Variants in CPA1 observed in about 807,000 individuals in gnomAD.
The protein encoded by CPA1 is carboxypeptidase A1.
Under a neutral mutation model 48.7 loss-of-function variants are expected in CPA1, and 42 were observed. That is an observed-to-expected ratio of 0.86 (90% CI 0.67 to 1.11). CPA1 has a LOEUF of 1.11. CPA1 is among the 50% of genes most tolerant of loss of function. The pLI is 0.00. For missense variants in CPA1, 477 were observed against 544.7 expected (o/e 0.88, Z 1.24); for synonymous variants, 203 against 217.9 (o/e 0.93, Z 0.60).
At chr7:130,382,677 C>T (rs186642528) in intron 4 of CPA1, among the ~76,000 whole-genome samples, 1 of 132,720 alleles carries the variant, frequency 7.5e-6, no homozygotes, top group East Asian at 2.3e-4. Context: ...TACTCTGTCA[C>T]CCAGGCTGGA....
In CPA1 at chr7:130,382,206, G is replaced by T. The variant is rs1554411327; in HGVS notation, c.480G>T (p.Leu160=). ...ATGAAGGGCGTCCCATTTACGTGCT[G>T]AAGGTAACATCCACATGTGGACATA... ...NTYEGRPIYV[L]KFSTGGSKRP... The change falls in exon 4 of 10, where the codon CTG becomes CTT. Residue 160 remains leucine, a synonymous_variant. Coordinates refer to ENST00000011292, the MANE Select transcript of CPA1 (RefSeq NM_001868.4). The T allele has an allele frequency of 1.2e-6, 2 of 1,613,128 alleles. No individual in the cohort carries two copies. Among genetic ancestry groups the T allele is most frequent in the Admixed American group, 1.7e-5 (1 of 60,016 alleles).
Position 130,382,112 on chromosome 7 carries a change from A to G in CPA1, c.386A>G (p.Tyr129Cys). 4 of 1,613,924 alleles carry G rather than the reference A, an allele frequency of 2.5e-6. No homozygotes were observed. The highest frequency in any genetic ancestry group is 3.4e-6 in the Non-Finnish European group (4 of 1,179,832). Reference protein sequence around the residue: ...YATYHTLEEIYDFLDLLVAEN... With the variant: ...YATYHTLEEICDFLDLLVAEN... Reference sequence around the variant, plus strand: ...GTCTCTTCTTTCACACCTCAGATCTATGACTTCCTGGACCTGCTGGTGGCG... The same window carrying G: ...GTCTCTTCTTTCACACCTCAGATCTGTGACTTCCTGGACCTGCTGGTGGCG... The change falls in exon 4 of 10, where the codon TAT (tyrosine) becomes TGT (cysteine). Residue 129 changes from tyrosine to cysteine, a missense_variant. Transcript: ENST00000011292.
In CPA1 at chr7:130,381,842, C is replaced by T. The variant is rs1554411246; in HGVS notation, c.360C>T (p.Ala120=). The change falls in exon 3 of 10, where the codon GCC becomes GCT. Residue 120 remains alanine, a synonymous_variant. Transcript: ENST00000011292. ...RARSTDTFNY[A]TYHTLEEIYD... is the part of the protein sequence containing the mutation. Reference sequence around the variant, plus strand: ...GCTCCACCGACACTTTTAACTACGCCACCTACCACACCCTGGAGGAGGTGA... The same window carrying T: ...GCTCCACCGACACTTTTAACTACGCTACCTACCACACCCTGGAGGAGGTGA... The T allele has an allele frequency of 1.9e-6, 3 of 1,613,920 alleles. No individual in the cohort carries two copies. The highest frequency in any genetic ancestry group is 2.5e-6 in the Non-Finnish European group (3 of 1,179,994).
intron 9 of CPA1, among the ~76,000 whole-genome samples, chr7:130,386,512 A>G (rs565719625): frequency 1.3e-5 from 2 of 152,110 alleles, no homozygotes; most frequent in East Asian, 3.9e-4. Flanking sequence ...AGCCTGGGCG[A>G]CACAGCGAGA....
In CPA1 at chr7:130,381,624, C is replaced by G. The variant is rs1554411187; in HGVS notation, c.148-6C>G. 6.2e-7 allele frequency: 1 copy of G among 1,611,574 alleles called. No homozygotes were observed. Among genetic ancestry groups the G allele is most frequent in the Non-Finnish European group, 8.5e-7 (1 of 1,178,296 alleles). On this transcript the variant is annotated splice_polypyrimidine_tract_variant and splice_region_variant and intron_variant, in intron 2 of 9. Coordinates refer to ENST00000011292, the MANE Select transcript of CPA1 (RefSeq NM_001868.4). ...CTGTGACCGTGCCGGCTCTTGTCCT[C>G]CCCAGCTGGACTTCTGGCGGGGGCC...
In CPA1 at chr7:130,384,587, G is replaced by C. The variant is rs1260177048; in HGVS notation, c.748G>C (p.Gly250Arg). 2.5e-6 allele frequency: 4 copies of C among 1,614,202 alleles called. No homozygotes were observed. Among genetic ancestry groups the C allele is most frequent in the Non-Finnish European group, 3.4e-6 (4 of 1,180,038 alleles). Residue 250 changes from glycine to arginine, a missense_variant, in exon 7 of 10, where the codon GGC becomes CGC. Gly to Arg is a moderately radical substitution (Grantham distance 125). Transcript: ENST00000011292. Reference sequence around the variant, plus strand: ...CCACACAGCAGGCTCCCTCTGTATTGGCGTGGACCCCAACAGGAACTGGGA... The same window carrying C: ...CCACACAGCAGGCTCCCTCTGTATTCGCGTGGACCCCAACAGGAACTGGGA... ...RSHTAGSLCIGVDPNRNWDAG... is the reference protein window; with the variant it reads ...RSHTAGSLCIRVDPNRNWDAG...
In CPA1 at chr7:130,388,064, C is replaced by A; in HGVS notation, c.*53C>A. The A allele has an allele frequency of 6.4e-7, 1 of 1,567,150 alleles. No homozygotes were observed. On this transcript the variant is annotated 3_prime_UTR_variant, in exon 10 of 10. Coordinates refer to ENST00000011292, the MANE Select transcript of CPA1 (RefSeq NM_001868.4). Reference sequence around the variant, plus strand: ...TCCTCTCTGGCCCCATCCAGGCAACCAAATAAAGTTTGAGTGTACCAGGAA... The same window carrying A: ...TCCTCTCTGGCCCCATCCAGGCAACAAAATAAAGTTTGAGTGTACCAGGAA...
intron 8 of CPA1, 22 bp from the exon 9 acceptor site, chr7:130,385,817 C>T: frequency 6.2e-7 from 1 of 1,608,430 alleles, no homozygotes; most frequent in East Asian, 2.2e-5. Context: ...TGACAGGTGG[C>T]TTTGCTTGGT....
intron 7 of CPA1, 117 bp from the exon 8 acceptor site, chr7:130,385,029 A>AGGGG: frequency 2.9e-6 from 3 of 1,018,676 alleles, no homozygotes; most frequent in Non-Finnish European, 4.5e-6. Context: ...TCCTGAATCC[A>AGGGG]GGGGTGGGAG....
Position 130,381,660 on chromosome 7 carries a change from GGCTCC to G in CPA1, c.179_183del (p.Gly60AlafsTer26). ...CTTCTGGCGGGGGCCTGCCCACCCT[GGCTCC>G]CCCATCGACGTCCGAGTGCCCTTCC... On this transcript the variant is annotated frameshift_variant, in exon 3 of 10. Transcript: ENST00000011292. LOFTEE classifies it high-confidence loss of function. 1 of 1,613,870 alleles carries G rather than the reference GGCTCC, an allele frequency of 6.2e-7. No individual in the cohort carries two copies. The highest frequency in any genetic ancestry group is 1.3e-5 in the African/African-American group (1 of 75,004).
intron 7 of CPA1, 186 bp from the exon 8 acceptor site, chr7:130,384,960 C>T: frequency 1.6e-6 from 1 of 643,708 alleles, no homozygotes; most frequent in Non-Finnish European, 2.7e-6. Flanking sequence ...TGTCCATCAG[C>T]TCTGCCCAAA....
rs192484041 is a variant in CPA1 at position 130,385,063 on chromosome 7, C to A, written c.788-83C>A. On this transcript the variant is annotated intron_variant, in intron 7 of 9. Transcript: ENST00000011292. ...AGTGAGCCCTTCCATACCACCTCAC[C>A]CCCAACTCCATGCAAAGAACTGGAT... 5.7e-6 allele frequency: 8 copies of A among 1,392,798 alleles called. No homozygotes were observed. In the East Asian group the frequency reaches 1.8e-4, roughly 32 times the overall value. 86.3% of individuals were successfully genotyped at this position (1,392,798 alleles called of 1,614,324 possible). A position where few individuals can be genotyped will look rare whatever the true frequency, so the allele number is the denominator to read the frequency against.
In CPA1 at chr7:130,387,840, C is replaced by T. The variant is rs1554412216; in HGVS notation, c.1089C>T (p.Ser363=). Residue 363 remains serine, a synonymous_variant, in exon 10 of 10, where the codon AGC becomes AGT. Coordinates refer to ENST00000011292, the MANE Select transcript of CPA1 (RefSeq NM_001868.4). This position sits in a 1 kb window ranked among gnomAD's most constrained non-coding sequence, Gnocchi z 4.6. The stretch of plus-strand genomic sequence containing the variant: ...CTGCCCCAGATCAAGCCAGTGGAAG[C>T]ACTATTGACTGGACCTACAGCCAGG... ...IIKAIYQASG[S]TIDWTYSQGI... 8.7e-6 allele frequency: 14 copies of T among 1,614,020 alleles called. No individual in the cohort carries two copies. Among genetic ancestry groups the T allele is most frequent in the Admixed American group, 1.7e-5 (1 of 59,960 alleles).
chr7:130,384,120 C>T (rs1796441873), intron 6 of CPA1: 1 of 452,278 alleles, frequency 2.2e-6, no homozygotes, highest in Non-Finnish European at 4.0e-6. Flanking sequence ...TCAAGATTGT[C>T]CCCAGTGGAG....
intron 2 of CPA1, among the ~76,000 whole-genome samples, 157 bp downstream of exon 2, chr7:130,381,336 C>G (rs781808751): frequency 6.6e-6 from 1 of 152,042 alleles, no homozygotes; most frequent in Non-Finnish European, 1.5e-5. Context: ...AGCTCCAGAG[C>G]CTTGCTGCCC....
rs1796405843 is a variant in CPA1, at chr7:130,381,647, G to GC, written c.167dup (p.Ala57CysfsTer31). 1.2e-6 allele frequency: 2 copies of GC among 1,613,318 alleles called. No individual in the cohort carries two copies. Among genetic ancestry groups the GC allele is most frequent in the Non-Finnish European group, 1.7e-6 (2 of 1,179,814 alleles). ...CTCCCCAGCTGGACTTCTGGCGGGG[G>GC]CCTGCCCACCCTGGCTCCCCCATCG... On this transcript the variant is annotated frameshift_variant, in exon 3 of 10. Coordinates refer to ENST00000011292, the MANE Select transcript of CPA1 (RefSeq NM_001868.4). LOFTEE classifies it high-confidence loss of function.
At chr7:130,383,840 G>A (rs782311895) in intron 6 of CPA1, 46 bp downstream of exon 6, 1 of 1,359,686 alleles carries the variant, frequency 7.4e-7, no homozygotes, top group Non-Finnish European at 1.1e-6. Flanking sequence ...TGGGCCTCTG[G>A]CTTCTAAGCT....
At chr7:130,380,619 G>GTCCTCCCCATCACCCTCAGA in intron 1 of CPA1, 34 bp downstream of exon 1, 1 of 1,205,952 alleles carries the variant, frequency 8.3e-7, no homozygotes, top group Non-Finnish European at 1.1e-6. Flanking sequence ...TGCCCTCTGA[G>GTCCTCCCCATCACCCTCAGA]GGTGATGGGG....
At position 130,387,818 on chromosome 7, in the gene CPA1, C is replaced by T. The variant is rs1554412209; in HGVS notation, c.1073-6C>T. 1.2e-6 allele frequency: 2 copies of T among 1,612,960 alleles called. No individual in the cohort carries two copies. Among genetic ancestry groups the T allele is most frequent in the East Asian group, 2.2e-5 (1 of 44,882 alleles). On this transcript the variant is annotated splice_region_variant and splice_polypyrimidine_tract_variant and intron_variant, in intron 9 of 9. Coordinates refer to ENST00000011292, the MANE Select transcript of CPA1 (RefSeq NM_001868.4). The surrounding 1 kb of genome is among the most constrained non-coding windows in gnomAD (Gnocchi z 4.6). Reference sequence around the variant, plus strand: ...CCCTTTCTCTCCTATTTTACTCCTGCCCCAGATCAAGCCAGTGGAAGCACT... The same window carrying T: ...CCCTTTCTCTCCTATTTTACTCCTGTCCCAGATCAAGCCAGTGGAAGCACT...
Sources: gnomAD v4.1 joint callset for allele counts (sites outside exome capture counted in the v4.1 genomes callset) on GRCh38, gnomAD v4.1.1 for gene constraint, Gnocchi (gnomAD v3.1) non-coding constraint, MANE v1.5 for transcripts, NCBI Gene and HGNC (gene_info 2026-07-23, HGNC 2026-07-21) for gene names.